Variants in BARD1 observed in about 807,000 individuals in gnomAD.
The protein encoded by BARD1 is BRCA1-associated RING domain protein 1.
In BARD1, 73 loss-of-function variants were observed where a neutral mutation model predicts 77.0. The ratio of observed to expected loss-of-function variants is 0.95; its 90% CI spans 0.79 to 1.15. The LOEUF (loss-of-function observed/expected upper bound fraction) is 1.15. Ranked by LOEUF, BARD1 falls within the 50% of genes most tolerant of loss-of-function variation. The probability of loss-of-function intolerance (pLI) is 0.00; values close to 1 mark genes in which losing one functional copy is unlikely to be tolerated. For missense variants in BARD1, 993 were observed against 938.8 expected (o/e 1.06, Z -0.75); for synonymous variants, 384 against 338.0 (o/e 1.14, Z -1.49).
At chr2:214,772,474 TAAAA>T (rs1476184532) in intron 4 of BARD1, among the ~76,000 whole-genome samples, 1 of 151,980 alleles carries the variant, frequency 6.6e-6, no homozygotes, top group African/African-American at 2.4e-5. Context: ...TAAAGAAGCT[TAAAA>T]AATAATATAA....
chr2:214,791,965 C>G (rs950647288), intron 3 of BARD1, among the ~76,000 whole-genome samples: 1 of 151,964 alleles, frequency 6.6e-6, no homozygotes, highest in African/African-American at 2.4e-5. Context: ...CTTGATTTCT[C>G]AACTATAAAA....
At chr2:214,794,438 G>A (rs1695666576) in intron 2 of BARD1, among the ~76,000 whole-genome samples, 1 of 152,190 alleles carries the variant, frequency 6.6e-6, no homozygotes, top group African/African-American at 2.4e-5. Context: ...AGTTGAGAAT[G>A]TAGCTGTTTT....
chr2:214,780,441 T>C lies in BARD1; in HGVS notation c.1314+119A>G. 2 of 872,382 alleles carry C rather than the reference T, an allele frequency of 2.3e-6. 1 individual carries two copies. Among genetic ancestry groups the C allele is most frequent in the South Asian group, 3.0e-5 (2 of 67,224 alleles). 54.0% of individuals were successfully genotyped at this position (872,382 alleles called of 1,614,324 possible). On this transcript the variant is annotated intron_variant, in intron 4 of 10. Coordinates refer to ENST00000260947, the MANE Select transcript of BARD1 (RefSeq NM_000465.4). ...TCTGGCTTCTCTGGTTCAGAGGAAGTATCATGTCTGTGAAAGGTTAATTAT... is the reference window on the plus strand; with the variant it reads ...TCTGGCTTCTCTGGTTCAGAGGAAGCATCATGTCTGTGAAAGGTTAATTAT...
intron 1 of BARD1, among the ~76,000 whole-genome samples, chr2:214,805,799 A>G (rs1199414121): frequency 6.6e-6 from 1 of 152,190 alleles, no homozygotes; most frequent in African/African-American, 2.4e-5. Flanking sequence ...AAAGGTTAAA[A>G]GATTACTTTC....
intron 3 of BARD1, among the ~76,000 whole-genome samples, chr2:214,783,946 G>A (rs1220285969): frequency 6.6e-6 from 1 of 152,096 alleles, no homozygotes. Context: ...TACCATTCAG[G>A]ACATGGGCAT....
At chr2:214,756,817 G>A (rs1277649960) in intron 6 of BARD1, among the ~76,000 whole-genome samples, 14 of 151,992 alleles carry the variant, frequency 9.2e-5, no homozygotes, top group African/African-American at 7.3e-5. Context: ...CAGACTTCAC[G>A]GACTCAAGGG....
chr2:214,768,752 T>A (rs1460900510), intron 5 of BARD1, among the ~76,000 whole-genome samples: 1 of 152,246 alleles, frequency 6.6e-6, no homozygotes, highest in East Asian at 1.9e-4. Flanking sequence ...CAAAGACCTT[T>A]AAAAATGTTT....
At chr2:214,788,189 T>TA (rs1324878825) in intron 3 of BARD1, among the ~76,000 whole-genome samples, 1 of 151,744 alleles carries the variant, frequency 6.6e-6, no homozygotes, top group Non-Finnish European at 1.5e-5. Context: ...TCAAAGTATT[T>TA]TTTTTTTAAT....
In BARD1 at chr2:214,809,403, C is replaced by T. The variant is rs1574868837; in HGVS notation, c.158+9G>A. ...CCTCGCAGCCACCCCCAAGAAGCTCCGTCTTTACCAACGCGAGCAGCGCAG... is the reference window on the plus strand; with the variant it reads ...CCTCGCAGCCACCCCCAAGAAGCTCTGTCTTTACCAACGCGAGCAGCGCAG... On this transcript the variant is annotated intron_variant, in intron 1 of 10. Coordinates refer to ENST00000260947, the MANE Select transcript of BARD1 (RefSeq NM_000465.4). The T allele has an allele frequency of 1.2e-6, 2 of 1,612,302 alleles. No homozygotes were observed. The highest frequency in any genetic ancestry group is 1.7e-5 in the Admixed American group (1 of 59,974).
rs545491202 is a variant in BARD1, at chr2:214,768,549, TGA to T, written c.1395+681_1395+682del. ...CCCAGCTTTCTTGCACCTAGCCTACTGAGAGTCTCCTAATTTCTGGGCTGAAT... is the reference window on the plus strand; with the variant it reads ...CCCAGCTTTCTTGCACCTAGCCTACTGAGTCTCCTAATTTCTGGGCTGAAT... On this transcript the variant is annotated intron_variant, in intron 5 of 10. Transcript: ENST00000260947. 3.9e-3 allele frequency among the ~76,000 whole-genome samples: 579 copies of T among 148,202 alleles called. 3 individuals carry two copies. The highest frequency in any genetic ancestry group is 0.014 in the African/African-American group (542 of 40,010).
chr2:214,772,873 A>G (rs963335118), intron 4 of BARD1, among the ~76,000 whole-genome samples: 3 of 152,230 alleles, frequency 2.0e-5, no homozygotes, highest in Non-Finnish European at 2.9e-5. Flanking sequence ...TTAAGTTTTG[A>G]TTCTGGCTTC....
intron 4 of BARD1, 46 bp downstream of exon 4, chr2:214,780,514 A>G: frequency 6.5e-7 from 1 of 1,541,978 alleles, no homozygotes; most frequent in East Asian, 2.3e-5. Context: ...AAATTGCTTT[A>G]TAGTTGGCCT....
intron 1 of BARD1, among the ~76,000 whole-genome samples, chr2:214,797,871 G>T (rs1378682035): frequency 6.6e-6 from 1 of 152,096 alleles, no homozygotes; most frequent in Non-Finnish European, 1.5e-5. Flanking sequence ...AAGAGACACA[G>T]AAACAAAATA....
chr2:214,765,359 G>A (rs1274211537), intron 6 of BARD1, among the ~76,000 whole-genome samples: 1 of 152,130 alleles, frequency 6.6e-6, no homozygotes, highest in Non-Finnish European at 1.5e-5. Flanking sequence ...GTGCAGTGAC[G>A]AATCATGGTG....
intron 1 of BARD1, among the ~76,000 whole-genome samples, chr2:214,807,162 T>C (rs917080976): frequency 6.6e-6 from 1 of 151,684 alleles, no homozygotes; most frequent in African/African-American, 2.4e-5. Context: ...GACCCCTACA[T>C]GAAAACATGC....
chr2:214,764,325 C>A (rs537308617), intron 6 of BARD1, among the ~76,000 whole-genome samples: 3 of 152,000 alleles, frequency 2.0e-5, no homozygotes, highest in Non-Finnish European at 4.4e-5. Context: ...TACAGCCTCA[C>A]GAGAAGGGAG....
At chr2:214,784,731 A>T (rs7601446) in intron 3 of BARD1, among the ~76,000 whole-genome samples, 5,685 of 152,242 alleles carry the variant, frequency 0.037, 237 homozygotes, top group African/African-American at 0.11. Flanking sequence ...TTGCAGGGAC[A>T]TGGATGAAGC....
chr2:214,728,426 TAGAA>T lies in BARD1; in HGVS notation c.*246_*249del, dbSNP rs1204584726. 2 of 507,640 alleles carry T rather than the reference TAGAA, an allele frequency of 3.9e-6. No homozygotes were observed. The highest frequency in any genetic ancestry group is 7.1e-6 in the Non-Finnish European group (2 of 283,650). The allele number at this position is 507,640 out of a possible 1,614,324, so 31.4% of individuals were successfully genotyped here. A position where few individuals can be genotyped will look rare whatever the true frequency, so the allele number is the denominator to read the frequency against. ...AATCTTTGATACCCAATAATCTGAATAGAAAGACATGATAAATCAAAAACATGCC... is the reference window on the plus strand; with the variant it reads ...AATCTTTGATACCCAATAATCTGAATAGACATGATAAATCAAAAACATGCC... On this transcript the variant is annotated 3_prime_UTR_variant, in exon 11 of 11. Transcript: ENST00000260947.
At position 214,809,433 on chromosome 2, in the gene BARD1, T is replaced by A; in HGVS notation, c.137A>T (p.Lys46Met). Residue 46 changes from lysine (K) to methionine (M), a missense_variant, in exon 1 of 11, where the codon AAG becomes ATG. Coordinates refer to ENST00000260947, the MANE Select transcript of BARD1 (RefSeq NM_000465.4). ...HSRAALDRLE[K>M]LLRCSRCTNI... is the part of the protein sequence containing the mutation. ...TTACCAACGCGAGCAGCGCAGCAGC[T>A]TCTCCAGGCGGTCGAGCGCGGCGCG... 2 of 1,612,308 alleles carry A rather than the reference T, an allele frequency of 1.2e-6. No individual in the cohort carries two copies. The highest frequency in any genetic ancestry group is 2.7e-5 in the African/African-American group (2 of 75,034).
Sources: allele counts gnomAD v4.1 joint callset (sites outside exome capture counted in the v4.1 genomes callset), GRCh38; gene constraint gnomAD v4.1.1; transcripts MANE v1.5; gene names NCBI Gene and HGNC (gene_info 2026-07-23, HGNC 2026-07-21).